DPP10: variants seen among roughly 807,000 people sequenced by gnomAD.
The protein encoded by DPP10 is dipeptidyl peptidase like 10.
In DPP10, 33 loss-of-function variants were observed where a neutral mutation model predicts 120.9. The ratio of observed to expected loss-of-function variants is 0.27; its 90% CI spans 0.21 to 0.37. The LOEUF is 0.37. DPP10 is among the 10% of genes least tolerant of loss of function. The pLI is 1.00. For synonymous variants in DPP10, 337 were observed against 326.1 expected (o/e 1.03, Z -0.36); for missense variants, 816 against 942.8 (o/e 0.87, Z 1.76).
chr2:115,128,023 T>A (rs1457455215), intron 1 of DPP10, among the ~76,000 whole-genome samples: 2 of 152,236 alleles, frequency 1.3e-5, no homozygotes, highest in Non-Finnish European at 2.9e-5. Context: ...ATGAAAAAAG[T>A]AAGAAAATGG....
chr2:115,116,080 A>G (rs2049488957), intron 1 of DPP10, among the ~76,000 whole-genome samples: 1 of 152,186 alleles, frequency 6.6e-6, no homozygotes, highest in African/African-American at 2.4e-5. Flanking sequence ...ATATACTTTA[A>G]CCTTTTGATT....
chr2:114,540,688 T>C (rs1686879652), intron 1 of DPP10, among the ~76,000 whole-genome samples: 1 of 152,226 alleles, frequency 6.6e-6, no homozygotes, highest in Non-Finnish European at 1.5e-5. Flanking sequence ...TATTTTGTTA[T>C]TGCTGAATTT....
At chr2:115,603,560 G>GTTTTTTTTTTTTTTTTT (rs10637786) in intron 5 of DPP10, among the ~76,000 whole-genome samples, 1 of 126,426 alleles carries the variant, frequency 7.9e-6, no homozygotes, top group Non-Finnish European at 1.6e-5. Flanking sequence ...CGTTGTTGTT[G>GTTTTTTTTTTTTTTTTT]TTTTTTTTTG....
chr2:114,758,006 T>C (rs1482017259), intron 1 of DPP10, among the ~76,000 whole-genome samples: 2 of 152,194 alleles, frequency 1.3e-5, no homozygotes, highest in African/African-American at 4.8e-5. Flanking sequence ...CTTGCAAGTG[T>C]GAGCCTCCCT....
At position 114,929,236 on chromosome 2, in the gene DPP10, C is replaced by T. The variant is rs575677156; in HGVS notation, c.61-380003C>T. ...GCAGAGCAAGATCACAAGGCCAGGG[C>T]GAAATTAGAATTACTGATGAGGTTC... On this transcript the variant is annotated intron_variant, in intron 1 of 25. Coordinates refer to ENST00000410059, the MANE Select transcript of DPP10 (RefSeq NM_020868.6). Among the ~76,000 whole-genome samples the T allele has an allele frequency of 4.6e-5, 7 of 152,106 alleles. No homozygotes were observed. The South Asian group carries it at 6.2e-4, about 14-fold the overall frequency.
intron 5 of DPP10, among the ~76,000 whole-genome samples, chr2:115,673,490 A>T (rs112533338): frequency 6.6e-6 from 1 of 152,218 alleles, no homozygotes; most frequent in African/African-American, 2.4e-5. Context: ...GAGTACCCAG[A>T]TAATTGACCT....
chr2:115,401,609 C>T (rs1037220413), intron 3 of DPP10, among the ~76,000 whole-genome samples: 14 of 152,038 alleles, frequency 9.2e-5, no homozygotes, highest in African/African-American at 3.1e-4. Context: ...GATAAATAGA[C>T]GCAGGGCAGT....
intron 7 of DPP10, among the ~76,000 whole-genome samples, chr2:115,695,879 A>C (rs1487873532): frequency 6.6e-6 from 1 of 152,188 alleles, no homozygotes; most frequent in East Asian, 1.9e-4. Flanking sequence ...TGTATGAACA[A>C]AATGGAAATA....
intron 5 of DPP10, among the ~76,000 whole-genome samples, chr2:115,648,359 G>T (rs1216770449): frequency 6.6e-6 from 1 of 151,960 alleles, no homozygotes. Flanking sequence ...GTACAACATG[G>T]TGACGATAGT....
chr2:115,827,205 G>C (rs1260803443), intron 21 of DPP10, among the ~76,000 whole-genome samples: 1 of 151,016 alleles, frequency 6.6e-6, no homozygotes, highest in Non-Finnish European at 1.5e-5. Context: ...AATTAAAGTT[G>C]TCCTCCTGTG....
At chr2:115,286,513 A>G (rs6751821) in intron 1 of DPP10, among the ~76,000 whole-genome samples, 1 of 38,540 alleles carries the variant, frequency 2.6e-5, no homozygotes, top group African/African-American at 7.3e-5. Flanking sequence ...TTACATATAT[A>G]ATATATATAT....
intron 4 of DPP10, among the ~76,000 whole-genome samples, chr2:115,503,557 C>T (rs529856891): frequency 8.5e-5 from 13 of 152,190 alleles, no homozygotes; most frequent in East Asian, 3.9e-4. Flanking sequence ...TCAGAAAATT[C>T]GATTGGCCAC....
intron 1 of DPP10, among the ~76,000 whole-genome samples, chr2:115,066,429 G>A (rs1706847005): frequency 6.6e-6 from 1 of 152,096 alleles, no homozygotes; most frequent in African/African-American, 2.4e-5. Context: ...TCAGTTATTT[G>A]TGCAACCTAA....
At chr2:114,526,709 A>T (rs1685529782) in intron 1 of DPP10, among the ~76,000 whole-genome samples, 2 of 152,066 alleles carry the variant, frequency 1.3e-5, no homozygotes, top group Non-Finnish European at 2.9e-5. Flanking sequence ...TGATGGAAGG[A>T]ATGAGAGAGC....
rs1164912639 is a variant in DPP10 at position 115,309,497 on chromosome 2, A to C, written c.175+144A>C. ...ATTTGGAAAAAAAGCATAATCAGAC[A>C]TTTTGCAAATGGCACAGTAATTCTG... On this transcript the variant is annotated intron_variant, in intron 2 of 25. Transcript: ENST00000410059. The C allele has an allele frequency of 4.6e-6, 3 of 657,712 alleles. No homozygotes were observed. The African/African-American group carries it at 5.5e-5, about 12-fold the overall frequency. The allele number at this position is 657,712 out of a possible 1,614,324, so 40.7% of individuals were successfully genotyped here.
chr2:114,627,997 T>C (rs1694640293), intron 1 of DPP10, among the ~76,000 whole-genome samples: 1 of 152,156 alleles, frequency 6.6e-6, no homozygotes, highest in Admixed American at 6.6e-5. Context: ...TGGTTGGATC[T>C]TGGATTTTGC....
chr2:115,802,010 AC>A (rs1685304636), intron 19 of DPP10, among the ~76,000 whole-genome samples: 1 of 152,144 alleles, frequency 6.6e-6, no homozygotes, highest in African/African-American at 2.4e-5. Context: ...AAGGAATGGT[AC>A]CAGCTCCTCC....
chr2:115,085,691 C>A (rs1035711913), intron 1 of DPP10, among the ~76,000 whole-genome samples: 3 of 152,126 alleles, frequency 2.0e-5, no homozygotes, highest in Non-Finnish European at 4.4e-5. Context: ...AAAAAGTATA[C>A]ATATCTCATT....
chr2:114,966,696 G>C (rs57750118), intron 1 of DPP10, among the ~76,000 whole-genome samples: 36,706 of 152,172 alleles, frequency 0.24, 4,731 homozygotes, highest in Admixed American at 0.31. Flanking sequence ...ATCTTGACCA[G>C]AGGAATTTCA....
Sources: gnomAD v4.1 joint callset for allele counts (sites outside exome capture counted in the v4.1 genomes callset) on GRCh38, gnomAD v4.1.1 for gene constraint, MANE v1.5 for transcripts, NCBI Gene and HGNC (gene_info 2026-07-23, HGNC 2026-07-21) for gene names.